The following DGKI variants were observed in gnomAD, a reference collection of about 807,000 sequenced individuals.
DGKI encodes the protein diacylglycerol kinase iota, also known as DAG kinase iota.
DGKI carries 55 observed loss-of-function variants against 147.5 expected under a neutral mutation model. The ratio of observed to expected loss-of-function variants is 0.37; its 90% CI spans 0.30 to 0.47. DGKI has a LOEUF of 0.47. Among genes scored for constraint, DGKI ranks in the 20% least tolerant of loss-of-function variants. The pLI is 1.00. For missense variants in DGKI, 1,007 were observed against 1,323.8 expected (o/e 0.76, Z 3.71); for synonymous variants, 469 against 477.1 (o/e 0.98, Z 0.22).
chr7:137,590,158 G>T (rs1026307781), intron 12 of DGKI, among the ~76,000 whole-genome samples: 1 of 152,220 alleles, frequency 6.6e-6, no homozygotes, highest in African/African-American at 2.4e-5. Flanking sequence ...TGGGATTTTG[G>T]CTTGCCTGAT....
intron 22 of DGKI, among the ~76,000 whole-genome samples, chr7:137,486,874 C>T (rs988152127): frequency 5.7e-4 from 86 of 151,980 alleles, no homozygotes; most frequent in Non-Finnish European, 1.2e-4. Flanking sequence ...ATGTCTAGGC[C>T]ACACCCAAGA....
At chr7:137,485,842 A>C (rs1195192659) in intron 22 of DGKI, among the ~76,000 whole-genome samples, 1 of 152,128 alleles carries the variant, frequency 6.6e-6, no homozygotes, top group African/African-American at 2.4e-5. Flanking sequence ...GACCAGATAC[A>C]TACTGTCATG....
chr7:137,508,772 A>C (rs190890458), intron 21 of DGKI, among the ~76,000 whole-genome samples: 536 of 152,232 alleles, frequency 3.5e-3, no homozygotes, highest in Non-Finnish European at 5.4e-3. Context: ...TAAGAGCCTA[A>C]ATAATTATTG....
intron 1 of DGKI, among the ~76,000 whole-genome samples, chr7:137,717,245 G>A (rs1206890211): frequency 2.0e-5 from 3 of 152,174 alleles, no homozygotes; most frequent in Non-Finnish European, 4.4e-5. Context: ...GTGGGATGTG[G>A]GAGGGCCCAT....
chr7:137,678,547 G>A lies in DGKI; in HGVS notation c.606+10C>T, dbSNP rs149137714. 2.6e-5 allele frequency: 42 copies of A among 1,613,316 alleles called. No homozygotes were observed. The East Asian group carries it at 3.6e-4, about 14-fold the overall frequency. ...AGGCCTTCCCCCAGCAAGACGGAGC[G>A]CACACTCACTGCAAATCTGACTTGG... On this transcript the variant is annotated intron_variant, in intron 3 of 32. Coordinates refer to ENST00000614521, the MANE Select transcript of DGKI (RefSeq NM_001321708.2).
intron 2 of DGKI, among the ~76,000 whole-genome samples, chr7:137,686,567 A>G (rs1378450052): frequency 6.6e-6 from 1 of 152,220 alleles, no homozygotes; most frequent in Non-Finnish European, 1.5e-5. Flanking sequence ...GGATTTTGAG[A>G]AACAACCTAA....
chr7:137,820,005 G>C (rs966073190), intron 1 of DGKI, among the ~76,000 whole-genome samples: 4 of 152,256 alleles, frequency 2.6e-5, no homozygotes, highest in African/African-American at 9.6e-5. Flanking sequence ...CTTCTTGCAT[G>C]CCTTCGACAT....
rs558654824 is a variant in DGKI, at chr7:137,448,709, G to A, written c.2736-4607C>T. 2.1e-3 allele frequency among the ~76,000 whole-genome samples: 97 copies of A among 45,656 alleles called. 2 individuals are homozygous for A. Among genetic ancestry groups the A allele is most frequent in the African/African-American group, 6.0e-3 (95 of 15,964 alleles). The allele number at this position is 45,656 out of a possible 152,430, so 30.0% of individuals were successfully genotyped here. ...GGGAGGGAAGGAAGGGAGGGAGGAA[G>A]GGAAGGAGGAAGGGAGGGAGGAAGG... On this transcript the variant is annotated intron_variant, in intron 27 of 32. Transcript: ENST00000614521.
intron 28 of DGKI, among the ~76,000 whole-genome samples, chr7:137,428,534 G>A (rs1812918629): frequency 6.6e-6 from 1 of 151,686 alleles, no homozygotes; most frequent in African/African-American, 2.4e-5. Context: ...TTGACATAGT[G>A]TTGGAAGTTC....
At chr7:137,746,587 A>G (rs886497267) in intron 1 of DGKI, among the ~76,000 whole-genome samples, 2 of 149,348 alleles carry the variant, frequency 1.3e-5, no homozygotes, top group South Asian at 4.2e-4. Flanking sequence ...TTTGTTTTTT[A>G]AGCCTAGAAA....
intron 19 of DGKI, among the ~76,000 whole-genome samples, chr7:137,553,961 T>G (rs1363956196): frequency 6.6e-6 from 1 of 152,226 alleles, no homozygotes; most frequent in Non-Finnish European, 1.5e-5. Context: ...TGAAAATGGC[T>G]TGAACACCTT....
At chr7:137,747,939 C>A (rs1465866621) in intron 1 of DGKI, among the ~76,000 whole-genome samples, 1 of 152,166 alleles carries the variant, frequency 6.6e-6, no homozygotes, top group East Asian at 1.9e-4. Context: ...GCTAGCCAAT[C>A]CTAACAAATG....
At chr7:137,767,481 A>AGAAGG (rs1554474407) in intron 1 of DGKI, among the ~76,000 whole-genome samples, 1 of 134,476 alleles carries the variant, frequency 7.4e-6, no homozygotes, top group Admixed American at 7.1e-5. Flanking sequence ...GGAAGAGAAG[A>AGAAGG]GAAGAGAAGA....
At position 137,638,041 on chromosome 7, in the gene DGKI, G is replaced by T. The variant is rs1821374958; in HGVS notation, c.804+7431C>A. ...GTGTTCTCAGGCAGGTCAGATTCAG[G>T]TTTTAATAAAGAGACAAACGGTAAA... On this transcript the variant is annotated intron_variant, in intron 6 of 32. Transcript: ENST00000614521. 2.0e-5 allele frequency among the ~76,000 whole-genome samples: 3 copies of T among 152,114 alleles called. No individual in the cohort carries two copies. The South Asian group carries it at 6.2e-4, about 31-fold the overall frequency.
chr7:137,532,597 A>G (rs1476737038), intron 20 of DGKI, among the ~76,000 whole-genome samples: 1 of 152,144 alleles, frequency 6.6e-6, no homozygotes, highest in Non-Finnish European at 1.5e-5. Context: ...TCTGTTCATC[A>G]ATCTACAGTT....
At position 137,846,341 on chromosome 7, in the gene DGKI, G is replaced by A. The variant is rs566507052; in HGVS notation, c.401+121C>T. ...CATCCCCGGGAGGAGAGGGGGAAAG[G>A]GGGAAGGAGAGGCGTGGAAACAGAG... is the stretch of plus-strand genomic sequence containing the variant. On this transcript the variant is annotated intron_variant, in intron 1 of 32. Transcript: ENST00000614521. The surrounding 1 kb of genome is among the most constrained non-coding windows in gnomAD (Gnocchi z 4.0). 6 of 564,494 alleles carry A rather than the reference G, an allele frequency of 1.1e-5. No homozygotes were observed. The highest frequency in any genetic ancestry group is 2.0e-5 in the South Asian group (1 of 49,878). 35.0% of individuals were successfully genotyped at this position (564,494 alleles called of 1,614,324 possible).
chr7:137,650,186 C>T (rs1397380925), intron 5 of DGKI, among the ~76,000 whole-genome samples: 2 of 152,084 alleles, frequency 1.3e-5, no homozygotes, highest in Non-Finnish European at 2.9e-5. Context: ...AGTTCATAAA[C>T]ATTTTGAGAG....
intron 21 of DGKI, among the ~76,000 whole-genome samples, chr7:137,497,965 T>A (rs560055935): frequency 4.6e-5 from 7 of 152,198 alleles, no homozygotes; most frequent in African/African-American, 1.4e-4. Flanking sequence ...AAAGTTTTTT[T>A]AAAAATAGAA....
intron 21 of DGKI, among the ~76,000 whole-genome samples, chr7:137,517,082 A>T (rs965071426): frequency 6.6e-6 from 1 of 151,690 alleles, no homozygotes; most frequent in East Asian, 1.9e-4. Context: ...TATTCTTTCT[A>T]AAAACCCATA....
Sources: gnomAD v4.1 joint callset for allele counts (sites outside exome capture counted in the v4.1 genomes callset) on GRCh38, gnomAD v4.1.1 for gene constraint, Gnocchi (gnomAD v3.1) non-coding constraint, MANE v1.5 for transcripts, NCBI Gene and HGNC (gene_info 2026-07-23, HGNC 2026-07-21) for gene names.